Variants in LTAP1 observed in about 807,000 individuals in gnomAD.
LTAP1 encodes the protein lipid transport auxiliary protein 1.
the LTAP1 span, among the ~76,000 whole-genome samples, chr1:154,216,123 C>T: frequency 6.6e-6 from 1 of 152,128 alleles, no homozygotes; most frequent in Non-Finnish European, 1.5e-5. Flanking sequence ...AGGCGTGAGC[C>T]ACCGCGCCCG....
chr1:154,209,064 A>T, the LTAP1 span, among the ~76,000 whole-genome samples: 1 of 152,192 alleles, frequency 6.6e-6, no homozygotes, highest in Non-Finnish European at 1.5e-5. Context: ...AATAATTTTT[A>T]AAAAGATTGT....
the LTAP1 span, chr1:154,212,191 A>AT: frequency 6.5e-5 from 65 of 1,000,634 alleles, no homozygotes; most frequent in Non-Finnish European, 9.7e-5. Context: ...CTGATCTAAT[A>AT]GTCTAGAACC....
the LTAP1 span, chr1:154,220,234 G>C: frequency 1.5e-6 from 2 of 1,362,596 alleles, no homozygotes; most frequent in African/African-American, 1.4e-5. Context: ...TCAAAGCCCG[G>C]ATAGGCGCAG....
At chr1:154,214,578 T>G in the LTAP1 span, 1 of 1,583,512 alleles carries the variant, frequency 6.3e-7, no homozygotes, top group Non-Finnish European at 8.7e-7. Flanking sequence ...TCAAGTCCTG[T>G]TCACATAAAA....
chr1:154,220,422 G>A, the LTAP1 span: 1 of 1,614,176 alleles, frequency 6.2e-7, no homozygotes, highest in Middle Eastern at 1.6e-4. Flanking sequence ...TCCCTACCTC[G>A]CGCAGAATTG....
At chr1:154,220,205 C>G in the LTAP1 span, 1 of 1,087,878 alleles carries the variant, frequency 9.2e-7, no homozygotes. Flanking sequence ...AAACTCCCAC[C>G]TACTCCTGGA....
the LTAP1 span, chr1:154,212,624 T>C: frequency 6.2e-7 from 1 of 1,613,892 alleles, no homozygotes; most frequent in African/African-American, 1.3e-5. Context: ...AAATGGGATC[T>C]CTGTGGAGAA....
the LTAP1 span, chr1:154,220,171 C>T: frequency 3.5e-6 from 3 of 851,974 alleles, no homozygotes; most frequent in Non-Finnish European, 3.9e-6. Context: ...CTAACGAGGG[C>T]GGGTCGGCCC....
the LTAP1 span, among the ~76,000 whole-genome samples, chr1:154,208,037 G>A: frequency 4.0e-5 from 6 of 151,820 alleles, no homozygotes; most frequent in East Asian, 3.9e-4. Context: ...GGAGGCAGAG[G>A]TTGCAAGCCA....
the LTAP1 span, among the ~76,000 whole-genome samples, chr1:154,218,408 T>C: frequency 1.3e-5 from 2 of 152,228 alleles, no homozygotes; most frequent in Non-Finnish European, 2.9e-5. Context: ...AGCCAAAGTA[T>C]TGATTGGTTC....
chr1:154,207,580 GGGGACTGAGTTA>G, the LTAP1 span: 1 of 1,614,076 alleles, frequency 6.2e-7, no homozygotes, highest in South Asian at 1.1e-5. Context: ...GGAGACCTCA[GGGGACTGAGTTA>G]GGTCTTTGGC....
At chr1:154,218,249 G>C in the LTAP1 span, among the ~76,000 whole-genome samples, 1 of 152,160 alleles carries the variant, frequency 6.6e-6, no homozygotes, top group African/African-American at 2.4e-5. Context: ...CCATGGATTA[G>C]GTACATGTGC....
At chr1:154,207,281 T>C in the LTAP1 span, 29 of 601,402 alleles carry the variant, frequency 4.8e-5, no homozygotes, top group Non-Finnish European at 7.3e-5. Flanking sequence ...TAAGGAAGGG[T>C]TGGGGAATTA....
chr1:154,211,059 T>G, the LTAP1 span, among the ~76,000 whole-genome samples: 1 of 151,970 alleles, frequency 6.6e-6, no homozygotes, highest in African/African-American at 2.4e-5. Flanking sequence ...CCAGCTGAAG[T>G]GCAATGGCAT....
At chr1:154,213,950 T>A in the LTAP1 span, 3 of 1,611,980 alleles carry the variant, frequency 1.9e-6, no homozygotes, top group African/African-American at 4.0e-5. Flanking sequence ...TAGCAACCTG[T>A]TGAGGAAAAG....
At chr1:154,220,161 C>G in the LTAP1 span, 1 of 819,050 alleles carries the variant, frequency 1.2e-6, no homozygotes, top group Non-Finnish European at 2.0e-6. Context: ...GGGTTCTAGA[C>G]TAACGAGGGC....
chr1:154,217,534 G>GT, the LTAP1 span, among the ~76,000 whole-genome samples: 10 of 151,672 alleles, frequency 6.6e-5, no homozygotes, highest in Non-Finnish European at 1.3e-4. Flanking sequence ...ACTCAGCATG[G>GT]TTTTTTTGTT....
At chr1:154,214,534 T>A in the LTAP1 span, 2 of 1,613,830 alleles carry the variant, frequency 1.2e-6, no homozygotes, top group African/African-American at 2.7e-5. Context: ...CTTGATATCC[T>A]GAACCCTGGA....
chr1:154,212,769 C>T, the LTAP1 span: 1 of 804,020 alleles, frequency 1.2e-6, no homozygotes, highest in Non-Finnish European at 2.0e-6. Context: ...TTGAGCAATT[C>T]TCTAGTCTCA....
Sources: allele counts gnomAD v4.1 joint callset (sites outside exome capture counted in the v4.1 genomes callset), GRCh38; gene constraint gnomAD v4.1.1; transcripts MANE v1.5; gene names NCBI Gene and HGNC (gene_info 2026-07-23, HGNC 2026-07-21).